Variants in CFAP43 observed in about 807,000 individuals in gnomAD.
CFAP43 encodes cilia- and flagella-associated protein 43.
Under a neutral mutation model 218.9 loss-of-function variants are expected in CFAP43, and 155 were observed. The ratio of observed to expected loss-of-function variants is 0.71; its 90% CI spans 0.62 to 0.81. The LOEUF (loss-of-function observed/expected upper bound fraction) is 0.81, where lower values mean the gene tolerates loss of function less well. Among genes scored for constraint, CFAP43 ranks in the 30% least tolerant of loss-of-function variants. CFAP43 has a pLI of 0.00. For missense variants in CFAP43, 1,778 were observed against 1,954.3 expected (o/e 0.91, Z 1.70); for synonymous variants, 645 against 681.3 (o/e 0.95, Z 0.83).
intron 29 of CFAP43, among the ~76,000 whole-genome samples, chr10:104,147,363 G>C (rs534312943): frequency 6.6e-6 from 1 of 151,858 alleles, no homozygotes; most frequent in South Asian, 2.1e-4. Context: ...GCTGACATTT[G>C]TAGAAACATT....
intron 34 of CFAP43, among the ~76,000 whole-genome samples, chr10:104,135,829 C>CG (rs2087415171): frequency 6.8e-6 from 1 of 147,648 alleles, no homozygotes. Flanking sequence ...ATTTCAATGG[C>CG]TTTTTTTTTT....
rs753452180 is a variant in CFAP43, at chr10:104,168,825, A to G, written c.2610T>C (p.His870=). The G allele has an allele frequency of 6.2e-7, 1 of 1,613,512 alleles. No individual in the cohort carries two copies. Residue 870 remains histidine, a synonymous_variant, in exon 21 of 38, where the codon CAT becomes CAC. Transcript: ENST00000357060. Reference sequence around the variant, plus strand: ...CAGCCAAATAGCTCTTGGCTAAGTTATGCATCTCTACATCCTTTATCATCT... The same window carrying G: ...CAGCCAAATAGCTCTTGGCTAAGTTGTGCATCTCTACATCCTTTATCATCT... The part of the protein sequence containing the change: ...VAKMIKDVEM[H]NLAKSYLAEL...
At chr10:104,133,806 A>G (rs1385762374) in intron 34 of CFAP43, 22 bp from the exon 35 acceptor site, 6 of 1,565,676 alleles carry the variant, frequency 3.8e-6, no homozygotes, top group South Asian at 1.2e-5. Flanking sequence ...TACATTAGAT[A>G]TCCATATAAT....
chr10:104,143,069 A>G (rs2087781741), intron 32 of CFAP43, among the ~76,000 whole-genome samples: 1 of 152,216 alleles, frequency 6.6e-6, no homozygotes, highest in African/African-American at 2.4e-5. Flanking sequence ...CCTATAATCA[A>G]TATAAAAATA....
At chr10:104,175,972 C>T (rs2089615948) in intron 19 of CFAP43, among the ~76,000 whole-genome samples, 1 of 152,154 alleles carries the variant, frequency 6.6e-6, no homozygotes. Context: ...GCAATATATT[C>T]TCAATCAAAA....
chr10:104,164,017 G>A, intron 24 of CFAP43, 77 bp downstream of exon 24: 1 of 1,475,024 alleles, frequency 6.8e-7, no homozygotes, highest in Non-Finnish European at 9.4e-7. Flanking sequence ...TTCCCACAGA[G>A]TAACCAAGTT....
intron 23 of CFAP43, among the ~76,000 whole-genome samples, chr10:104,165,727 C>A (rs1388151675): frequency 6.6e-6 from 1 of 152,178 alleles, no homozygotes; most frequent in Non-Finnish European, 1.5e-5. Context: ...GCCAGAGGGA[C>A]CCCAACACCT....
At chr10:104,143,760 G>A (rs1348919875) in intron 31 of CFAP43, 121 bp from the exon 32 acceptor site, 10 of 950,202 alleles carry the variant, frequency 1.1e-5, no homozygotes, top group Non-Finnish European at 1.1e-5. Flanking sequence ...GCCATGTGAT[G>A]GCTGGTAGGT....
At chr10:104,188,148 T>C (rs762109335) in intron 13 of CFAP43, 122 bp downstream of exon 13, 41 of 1,255,494 alleles carry the variant, frequency 3.3e-5, no homozygotes, top group South Asian at 9.6e-5. Context: ...TTTGTAAAGA[T>C]AGACAAAAGG....
In CFAP43 at chr10:104,162,355, T is replaced by C. The variant is rs778491718; in HGVS notation, c.3295A>G (p.Ile1099Val). 1.8e-5 allele frequency: 29 copies of C among 1,614,082 alleles called. No individual in the cohort carries two copies. In the South Asian group the frequency reaches 3.1e-4, roughly 17 times the overall value. The part of the protein sequence containing the change: ...IKPWHKAKEL[I>V]VNHEKEHWLL... Reference sequence around the variant, plus strand: ...CAGTGCTCCTTTTCATGATTCACGATCAATTCTTTGGCTTTGTGCCACGGC... The same window carrying C: ...CAGTGCTCCTTTTCATGATTCACGACCAATTCTTTGGCTTTGTGCCACGGC... Residue 1099 changes from isoleucine to valine, a missense_variant, in exon 25 of 38, where the codon ATC becomes GTC. Physicochemically the swap from Ile to Val is conservative, Grantham distance 29. Transcript: ENST00000357060.
At chr10:104,172,180 G>A (rs1447581697) in intron 20 of CFAP43, among the ~76,000 whole-genome samples, 4 of 152,186 alleles carry the variant, frequency 2.6e-5, no homozygotes, top group African/African-American at 4.8e-5. Flanking sequence ...TGTCATGGAG[G>A]GGAAGCAAAT....
intron 8 of CFAP43, 140 bp downstream of exon 8, chr10:104,203,532 G>T: frequency 1.4e-6 from 1 of 729,680 alleles, no homozygotes; most frequent in Non-Finnish European, 2.0e-6. Context: ...TTTTAAATTG[G>T]GTATTTTTTC....
chr10:104,193,973 G>C lies in CFAP43; in HGVS notation c.1335C>G (p.Ala445=), dbSNP rs771032104. The change falls in exon 11 of 38, where the codon GCC becomes GCG. Residue 445 remains alanine (A), a synonymous_variant. Transcript: ENST00000357060. ...AGACCGAGCCATCCTCCGTGCCCACGGCTGCAGAGAGGGAGGATGGACAGC... is the reference window on the plus strand; with the variant it reads ...AGACCGAGCCATCCTCCGTGCCCACCGCTGCAGAGAGGGAGGATGGACAGC... ...LACCPSSLSA[A]VGTEDGSVYF... 3.7e-6 allele frequency: 6 copies of C among 1,614,016 alleles called. No homozygotes were observed. The highest frequency in any genetic ancestry group is 1.6e-4 in the Middle Eastern group (1 of 6,062).
At position 104,232,198 on chromosome 10, in the gene CFAP43, C is replaced by G; in HGVS notation, c.49G>C (p.Ala17Pro). ...RDEGPHSAGG[A>P]SLSVRWVQGF... Reference sequence around the variant, plus strand: ...ACACCGCACCTCACGGACAAGGACGCGCCGCCGGCGGAGTGGGGGCCTTCG... The same window carrying G: ...ACACCGCACCTCACGGACAAGGACGGGCCGCCGGCGGAGTGGGGGCCTTCG... The change falls in exon 1 of 38, where the codon GCG becomes CCG. Residue 17 changes from alanine to proline, a missense_variant. This residue lies in a region of CFAP43 where 1,553 missense variants were observed against 1,685.2 expected (regional missense o/e 0.92). Transcript: ENST00000357060. 6.2e-7 allele frequency: 1 copy of G among 1,609,380 alleles called. No homozygotes were observed. Among genetic ancestry groups the G allele is most frequent in the East Asian group, 2.2e-5 (1 of 44,480 alleles).
chr10:104,177,140 T>C lies in CFAP43; in HGVS notation c.2460+1889A>G, dbSNP rs114676415. Among the ~76,000 whole-genome samples, 984 of 152,076 alleles carry C rather than the reference T, an allele frequency of 6.5e-3. 13 individuals carry two copies. Among genetic ancestry groups the C allele is most frequent in the African/African-American group, 0.023 (965 of 41,476 alleles). ...AAGAGACAAAGGTTTCCTATTAAAA[T>C]GCCCATCGAAGTCTAGCACATGGAA... On this transcript the variant is annotated intron_variant, in intron 19 of 37. Transcript: ENST00000357060.
chr10:104,229,323 C>G (rs1268848418), intron 2 of CFAP43, among the ~76,000 whole-genome samples: 1 of 152,070 alleles, frequency 6.6e-6, no homozygotes, highest in Non-Finnish European at 1.5e-5. Flanking sequence ...CTCCAGCAGA[C>G]GTGCAGCAGC....
In CFAP43 at chr10:104,164,402, T is replaced by G; in HGVS notation, c.3040-102A>C. ...TCCCTCTAAAATCATTCCACAAATT[T>G]TTTTTTTTTTTTTGAGATGCAGTCT... On this transcript the variant is annotated intron_variant, in intron 23 of 37. Coordinates refer to ENST00000357060, the MANE Select transcript of CFAP43 (RefSeq NM_025145.7). The G allele has an allele frequency of 8.9e-6, 8 of 901,162 alleles. No homozygotes were observed. The Admixed American group carries it at 2.5e-4, about 28-fold the overall frequency. 55.8% of individuals were successfully genotyped at this position (901,162 alleles called of 1,614,324 possible). A position where few individuals can be genotyped will look rare whatever the true frequency, so the allele number is the denominator to read the frequency against.
intron 1 of CFAP43, among the ~76,000 whole-genome samples, chr10:104,231,947 G>A (rs899440298): frequency 6.6e-6 from 1 of 150,876 alleles, no homozygotes; most frequent in Non-Finnish European, 1.5e-5. Flanking sequence ...CAGGGTCGCA[G>A]AATAAGGAGT....
At chr10:104,198,511 C>T (rs2090440330) in intron 8 of CFAP43, among the ~76,000 whole-genome samples, 1 of 152,080 alleles carries the variant, frequency 6.6e-6, no homozygotes, top group African/African-American at 2.4e-5. Flanking sequence ...AAACTCCTGA[C>T]CTCAGGTGAT....
Sources: allele counts gnomAD v4.1 joint callset (sites outside exome capture counted in the v4.1 genomes callset), GRCh38; gene constraint gnomAD v4.1.1; regional missense constraint gnomAD v4.1.1; transcripts MANE v1.5; gene names NCBI Gene and HGNC (gene_info 2026-07-23, HGNC 2026-07-21).